Variants in DMRT1 observed in about 807,000 individuals in gnomAD.
DMRT1 encodes the protein doublesex and mab-3 related transcription factor 1.
In DMRT1, 7 loss-of-function variants were observed where a neutral mutation model predicts 32.3. The ratio of observed to expected loss-of-function variants is 0.22; its 90% CI spans 0.12 to 0.41. The LOEUF is 0.41. DMRT1 is among the 10% of genes least tolerant of loss of function. The probability of loss-of-function intolerance (pLI) is 1.00; values close to 1 mark genes in which losing one functional copy is unlikely to be tolerated. For synonymous variants in DMRT1, 278 were observed against 206.1 expected (o/e 1.35, Z -2.99); for missense variants, 625 against 500.5 (o/e 1.25, Z -2.37).
intron 2 of DMRT1, among the ~76,000 whole-genome samples, chr9:868,422 A>G (rs1296395763): frequency 6.6e-6 from 1 of 152,196 alleles, no homozygotes; most frequent in Non-Finnish European, 1.5e-5. Flanking sequence ...AACAAAATTC[A>G]CAGAATTCTT....
intron 4 of DMRT1, among the ~76,000 whole-genome samples, chr9:957,269 AT>A (rs1363079923): frequency 4.6e-5 from 7 of 152,258 alleles, no homozygotes; most frequent in Non-Finnish European, 1.0e-4. Flanking sequence ...CACAGTAACA[AT>A]AACATTCCAT....
At chr9:946,458 G>A (rs1417188921) in intron 4 of DMRT1, among the ~76,000 whole-genome samples, 1 of 152,036 alleles carries the variant, frequency 6.6e-6, no homozygotes, top group Non-Finnish European at 1.5e-5. Flanking sequence ...CAGGTAACTG[G>A]ACCATTTCAT....
intron 2 of DMRT1, among the ~76,000 whole-genome samples, chr9:861,630 A>AGAGGGGCTCCTCACTTCCCAGAC (rs1554744769): frequency 2.8e-5 from 4 of 143,632 alleles, no homozygotes; most frequent in African/African-American, 5.3e-5. Flanking sequence ...ACTTCCCAGA[A>AGAGGGGCTCCTCACTTCCCAGAC]GGGGCAGCGG....
chr9:857,575 A>G (rs897476004), intron 2 of DMRT1, among the ~76,000 whole-genome samples: 2 of 152,118 alleles, frequency 1.3e-5, no homozygotes, highest in Admixed American at 6.5e-5. Context: ...AGGGAGCAAG[A>G]ATTCTGTTGC....
chr9:944,276 T>C (rs1819171449), intron 4 of DMRT1, among the ~76,000 whole-genome samples: 2 of 152,234 alleles, frequency 1.3e-5, no homozygotes. Context: ...GTGTTCCTGA[T>C]TTTGAACCTG....
chr9:921,754 A>G (rs923211824), intron 4 of DMRT1, among the ~76,000 whole-genome samples: 2 of 152,192 alleles, frequency 1.3e-5, no homozygotes, highest in African/African-American at 4.8e-5. Context: ...GGTGCCACCC[A>G]CCTGTAGTTC....
chr9:883,851 A>G (rs1406203423), intron 2 of DMRT1, among the ~76,000 whole-genome samples: 2 of 152,092 alleles, frequency 1.3e-5, no homozygotes, highest in African/African-American at 4.8e-5. Context: ...GTAGCGCTCA[A>G]CACAAAGTAT....
intron 4 of DMRT1, among the ~76,000 whole-genome samples, chr9:927,234 G>C (rs565868971): frequency 1.3e-5 from 2 of 152,340 alleles, no homozygotes; most frequent in African/African-American, 4.8e-5. Flanking sequence ...CGCTGTCTTT[G>C]AAAATTGCCT....
At chr9:958,623 TCC>T (rs1819671764) in intron 4 of DMRT1, among the ~76,000 whole-genome samples, 1 of 152,202 alleles carries the variant, frequency 6.6e-6, no homozygotes, top group African/African-American at 2.4e-5. Context: ...CGCCTGGACC[TCC>T]TAACTCTCCG....
intron 2 of DMRT1, among the ~76,000 whole-genome samples, chr9:861,163 A>T (rs1397692068): frequency 6.6e-6 from 1 of 150,912 alleles, no homozygotes; most frequent in Non-Finnish European, 1.5e-5. Flanking sequence ...GCAGATAAAC[A>T]TGTGAACAAA....
chr9:942,165 G>A (rs1210664106), intron 4 of DMRT1, among the ~76,000 whole-genome samples: 2 of 152,046 alleles, frequency 1.3e-5, no homozygotes, highest in Non-Finnish European at 2.9e-5. Flanking sequence ...GGAGATGGGG[G>A]GTAAATCTTT....
intron 2 of DMRT1, among the ~76,000 whole-genome samples, chr9:877,456 C>G (rs1816551755): frequency 6.6e-6 from 1 of 152,160 alleles, no homozygotes; most frequent in South Asian, 2.1e-4. Context: ...TGCACCTTTT[C>G]TTTCCCTGCT....
chr9:857,581 G>A (rs1409572689), intron 2 of DMRT1, among the ~76,000 whole-genome samples: 1 of 152,060 alleles, frequency 6.6e-6, no homozygotes, highest in African/African-American at 2.4e-5. Context: ...CAAGAATTCT[G>A]TTGCCCTAAA....
chr9:887,126 G>A lies in DMRT1; in HGVS notation c.539-6786G>A, dbSNP rs1816962244. Among the ~76,000 whole-genome samples, 3 of 152,188 alleles carry A rather than the reference G, an allele frequency of 2.0e-5. No homozygotes were observed. The South Asian group carries it at 6.2e-4, about 31-fold the overall frequency. On this transcript the variant is annotated intron_variant, in intron 2 of 4. Transcript: ENST00000382276. ...GAATCACTTGAACCTGGGAGGCGGA[G>A]GTTGCAGTGAGCCGAGATCAGGAGA...
At chr9:864,703 T>TGA (rs1564206783) in intron 2 of DMRT1, among the ~76,000 whole-genome samples, 3 of 150,932 alleles carry the variant, frequency 2.0e-5, no homozygotes, top group Non-Finnish European at 4.4e-5. Context: ...GGTTTCACCA[T>TGA]GTTAGCCAGG....
intron 4 of DMRT1, among the ~76,000 whole-genome samples, chr9:933,455 T>C (rs1407201531): frequency 1.3e-5 from 2 of 152,142 alleles, no homozygotes; most frequent in Admixed American, 1.3e-4. Context: ...CCCTATTTTA[T>C]CCATAAGCCG....
chr9:867,650 C>T (rs556381861), intron 2 of DMRT1, among the ~76,000 whole-genome samples: 2 of 152,286 alleles, frequency 1.3e-5, no homozygotes, highest in East Asian at 1.9e-4. Context: ...GGAGGTGGAA[C>T]TCAAACCCGG....
intron 4 of DMRT1, among the ~76,000 whole-genome samples, chr9:927,181 G>C (rs890279589): frequency 2.6e-5 from 4 of 152,214 alleles, no homozygotes; most frequent in African/African-American, 9.7e-5. Flanking sequence ...AGTACAACTT[G>C]AATAACCTTC....
intron 3 of DMRT1, among the ~76,000 whole-genome samples, chr9:910,423 C>G (rs1241899847): frequency 6.6e-6 from 1 of 151,882 alleles, no homozygotes; most frequent in Non-Finnish European, 1.5e-5. Flanking sequence ...TTCACAAATC[C>G]CTTTTAGTCA....
Sources: allele counts gnomAD v4.1 joint callset (sites outside exome capture counted in the v4.1 genomes callset), GRCh38; gene constraint gnomAD v4.1.1; transcripts MANE v1.5; gene names NCBI Gene and HGNC (gene_info 2026-07-23, HGNC 2026-07-21).